Variants in SPNS2 observed in about 807,000 individuals in gnomAD.
SPNS2 encodes the protein SPNS lysolipid transporter 2, sphingosine-1-phosphate, also known as sphingosine-1-phosphate transporter SPNS2.
Under a neutral mutation model 57.6 loss-of-function variants are expected in SPNS2, and 37 were observed. That is an observed-to-expected ratio of 0.64 (90% CI 0.49 to 0.85). The LOEUF is 0.85. Ranked by LOEUF, SPNS2 falls within the 40% of genes least tolerant of loss-of-function variation. The probability of loss-of-function intolerance (pLI) is 0.00; values close to 1 mark genes in which losing one functional copy is unlikely to be tolerated. For missense variants in SPNS2, 831 were observed against 779.1 expected (o/e 1.07, Z -0.79); for synonymous variants, 440 against 346.9 (o/e 1.27, Z -2.98).
intron 8 of SPNS2, 110 bp from the exon 9 acceptor site, chr17:4,533,678 G>T: frequency 7.9e-7 from 1 of 1,270,370 alleles, no homozygotes; most frequent in Non-Finnish European, 1.1e-6. Flanking sequence ...GCCCGGGAGG[G>T]GTGTGAGGTT....
chr17:4,516,865 G>C (rs1238462489), intron 2 of SPNS2, among the ~76,000 whole-genome samples: 4 of 152,252 alleles, frequency 2.6e-5, no homozygotes, highest in Non-Finnish European at 4.4e-5. Context: ...AAGTGATGCA[G>C]AGTGTTTAGG....
At chr17:4,536,854 G>T (rs759134356) in intron 11 of SPNS2, 46 bp from the exon 12 acceptor site, 6 of 1,543,778 alleles carry the variant, frequency 3.9e-6, no homozygotes, top group Non-Finnish European at 5.4e-6. Context: ...CCCGGGCCCG[G>T]CCCCCGCTGA....
chr17:4,514,032 C>A (rs376020749), intron 2 of SPNS2, among the ~76,000 whole-genome samples: 31 of 152,376 alleles, frequency 2.0e-4, no homozygotes, highest in African/African-American at 7.2e-4. Context: ...CCTCCCTTGT[C>A]CCTGCCTTCC....
At chr17:4,520,254 T>G (rs1905106484) in intron 2 of SPNS2, among the ~76,000 whole-genome samples, 1 of 152,224 alleles carries the variant, frequency 6.6e-6, no homozygotes, top group African/African-American at 2.4e-5. Flanking sequence ...GCGTGCCAGC[T>G]TCTGCCAGGA....
Position 4,499,254 on chromosome 17 carries a change from C to A in SPNS2, c.207C>A (p.Thr69=), listed in dbSNP as rs913569471. ...TLSGSVRRAP[T]GPPGTPGTPG... Reference sequence around the variant, plus strand: ...CGGGCAGCGTAAGGCGGGCCCCGACCGGACCCCCCGGCACCCCCGGCACCC... The same window carrying A: ...CGGGCAGCGTAAGGCGGGCCCCGACAGGACCCCCCGGCACCCCCGGCACCC... Residue 69 remains threonine, a synonymous_variant, in exon 1 of 13, where the codon ACC becomes ACA. Transcript: ENST00000329078. The surrounding 1 kb of genome is among the most constrained non-coding windows in gnomAD (Gnocchi z 5.2). 8.2e-6 allele frequency: 12 copies of A among 1,472,164 alleles called. No individual in the cohort carries two copies. The highest frequency in any genetic ancestry group is 5.2e-5 in the South Asian group (4 of 77,402). The allele number at this position is 1,472,164 out of a possible 1,614,324, so 91.2% of individuals were successfully genotyped here. A position where few individuals can be genotyped will look rare whatever the true frequency, so the allele number is the denominator to read the frequency against.
chr17:4,530,502 C>A, intron 3 of SPNS2, 130 bp from the exon 4 acceptor site: 1 of 1,115,124 alleles, frequency 9.0e-7, no homozygotes, highest in Non-Finnish European at 1.3e-6. Context: ...GAGGTGCAGC[C>A]CACCAGCACC....
At chr17:4,535,790 T>G (rs1028679220) in intron 9 of SPNS2, among the ~76,000 whole-genome samples, 18 of 151,436 alleles carry the variant, frequency 1.2e-4, no homozygotes, top group Non-Finnish European at 2.1e-4. Flanking sequence ...TGGTCTGGGT[T>G]GGAGGTGTGG....
intron 2 of SPNS2, among the ~76,000 whole-genome samples, chr17:4,522,655 C>T (rs1168113473): frequency 6.6e-6 from 1 of 152,266 alleles, no homozygotes; most frequent in Non-Finnish European, 1.5e-5. Context: ...ACCACGCACA[C>T]ATTCAGCCTG....
intron 3 of SPNS2, among the ~76,000 whole-genome samples, chr17:4,530,428 G>A (rs905515974): frequency 1.9e-4 from 29 of 152,302 alleles, no homozygotes; most frequent in Admixed American, 5.2e-4. Context: ...GCCAGGCCCC[G>A]TCAGACCCAC....
chr17:4,532,806 C>A, intron 6 of SPNS2, 122 bp downstream of exon 6: 1 of 1,443,740 alleles, frequency 6.9e-7, no homozygotes. Flanking sequence ...TGTCTCAGTG[C>A]TGGGAGGGAC....
intron 1 of SPNS2, among the ~76,000 whole-genome samples, chr17:4,508,151 C>T (rs550566655): frequency 5.6e-4 from 85 of 152,266 alleles, no homozygotes; most frequent in Non-Finnish European, 1.0e-3. Flanking sequence ...AGGAGAGAGG[C>T]GCAGGTATCC....
intron 1 of SPNS2, among the ~76,000 whole-genome samples, chr17:4,504,824 C>T (rs372496099): frequency 2.1e-4 from 32 of 152,314 alleles, no homozygotes; most frequent in Middle Eastern, 3.4e-3. Context: ...TGACTGGAGG[C>T]AAATTCTGAC....
rs761979845 is a variant in SPNS2, at chr17:4,537,780, G to A, written c.*332G>A. ...GCCTGCCACCAGCTTATGTGATCTTGGGCAAGTCCCTGCCCTCCCTGGAAC... is the reference window on the plus strand; with the variant it reads ...GCCTGCCACCAGCTTATGTGATCTTAGGCAAGTCCCTGCCCTCCCTGGAAC... On this transcript the variant is annotated 3_prime_UTR_variant, in exon 13 of 13. Coordinates refer to ENST00000329078, the MANE Select transcript of SPNS2 (RefSeq NM_001124758.3). 7 of 455,796 alleles carry A rather than the reference G, an allele frequency of 1.5e-5. No individual in the cohort carries two copies. The highest frequency in any genetic ancestry group is 1.4e-4 in the East Asian group (2 of 14,340). The allele number at this position is 455,796 out of a possible 1,614,324, so 28.2% of individuals were successfully genotyped here.
intron 2 of SPNS2, among the ~76,000 whole-genome samples, chr17:4,522,562 C>G (rs529240909): frequency 3.5e-4 from 53 of 152,372 alleles, no homozygotes; most frequent in African/African-American, 1.2e-3. Flanking sequence ...TCACCTCTCT[C>G]TTTTCCTCCT....
rs957906354 is a variant in SPNS2 at position 4,538,593 on chromosome 17, T to C, written c.*1145T>C. 1.2e-5 allele frequency: 5 copies of C among 421,198 alleles called. No homozygotes were observed. The highest frequency in any genetic ancestry group is 4.8e-5 in the South Asian group (2 of 41,282). 26.1% of individuals were successfully genotyped at this position (421,198 alleles called of 1,614,324 possible). ...TTAGCCCCCTGCGTCACCCACTCCC[T>C]GCACTTCTGCTGCAATCAAGGTGGT... is the stretch of plus-strand genomic sequence containing the variant. On this transcript the variant is annotated 3_prime_UTR_variant, in exon 13 of 13. Coordinates refer to ENST00000329078, the MANE Select transcript of SPNS2 (RefSeq NM_001124758.3).
intron 1 of SPNS2, among the ~76,000 whole-genome samples, chr17:4,508,489 AC>A (rs1169536805): frequency 6.6e-6 from 1 of 152,164 alleles, no homozygotes; most frequent in African/African-American, 2.4e-5. Flanking sequence ...CTGCATTTAC[AC>A]AGGAAGAAAT....
intron 1 of SPNS2, among the ~76,000 whole-genome samples, chr17:4,501,493 C>T (rs754371639): frequency 6.6e-6 from 1 of 152,036 alleles, no homozygotes; most frequent in Non-Finnish European, 1.5e-5. Context: ...GAGGAAGGCC[C>T]GGAAAGTCCT....
Position 4,530,800 on chromosome 17 carries a change from C to G in SPNS2, c.725+17C>G, listed in dbSNP as rs914206496. 3 of 1,607,180 alleles carry G rather than the reference C, an allele frequency of 1.9e-6. No homozygotes were observed. In the African/African-American group the frequency reaches 4.0e-5, roughly 21 times the overall value. Reference sequence around the variant, plus strand: ...ACTGGGCAGGTGAGAGCCGGAGATGCCAGGGTCTGGGTGAGGATCTGGGCA... The same window carrying G: ...ACTGGGCAGGTGAGAGCCGGAGATGGCAGGGTCTGGGTGAGGATCTGGGCA... On this transcript the variant is annotated intron_variant, in intron 4 of 12. Coordinates refer to ENST00000329078, the MANE Select transcript of SPNS2 (RefSeq NM_001124758.3).
intron 9 of SPNS2, 115 bp from the exon 10 acceptor site, chr17:4,535,961 T>C (rs1905761431): frequency 1.3e-6 from 1 of 797,406 alleles, no homozygotes; most frequent in Non-Finnish European, 2.0e-6. Context: ...TGTCAAGACG[T>C]AGGGCAGGAG....
Sources: allele counts gnomAD v4.1 joint callset (sites outside exome capture counted in the v4.1 genomes callset), GRCh38; gene constraint gnomAD v4.1.1; non-coding constraint Gnocchi (gnomAD v3.1); transcripts MANE v1.5; gene names NCBI Gene and HGNC (gene_info 2026-07-23, HGNC 2026-07-21).